Variants in SOX5 observed in about 807,000 individuals in gnomAD.
SOX5 encodes the protein transcription factor SOX-5.
In SOX5, 9 loss-of-function variants were observed where a neutral mutation model predicts 92.0. The observed-to-expected ratio is 0.10, with a 90% CI of 0.06 to 0.17. SOX5 has a LOEUF of 0.17. SOX5 is among the 10% of genes least tolerant of loss of function. The pLI is 1.00. For missense variants in SOX5, 642 were observed against 944.5 expected, an observed-to-expected ratio of 0.68 and a Z score of 4.20; for synonymous variants, 344 against 336.3, an observed-to-expected ratio of 1.02 and a Z score of -0.25.
chr12:24,405,776 G>A (rs1962797364), intron 1 of SOX5, among the ~76,000 whole-genome samples: 1 of 152,098 alleles, frequency 6.6e-6, no homozygotes, highest in Non-Finnish European at 1.5e-5. Context: ...AAATGACCAG[G>A]TCAAAATGCA....
intron 4 of SOX5, among the ~76,000 whole-genome samples, chr12:24,048,143 ACAT>A (rs1459482556): frequency 1.3e-5 from 2 of 152,224 alleles, no homozygotes; most frequent in African/African-American, 4.8e-5. Flanking sequence ...GCTTTCTGAT[ACAT>A]CATCACATTC....
At chr12:24,103,146 G>C (rs1946282355) in intron 4 of SOX5, among the ~76,000 whole-genome samples, 2 of 152,144 alleles carry the variant, frequency 1.3e-5, no homozygotes, top group South Asian at 2.1e-4. Flanking sequence ...GCAAATTAAA[G>C]TATGCCTCTA....
intron 3 of SOX5, among the ~76,000 whole-genome samples, chr12:24,226,829 T>C (rs921369014): frequency 1.4e-5 from 2 of 147,922 alleles, no homozygotes; most frequent in African/African-American, 5.0e-5. Context: ...TTAGAACTTA[T>C]ATTAGGGGTT....
intron 4 of SOX5, among the ~76,000 whole-genome samples, chr12:24,183,076 C>T (rs1176144149): frequency 6.6e-6 from 1 of 152,164 alleles, no homozygotes; most frequent in Non-Finnish European, 1.5e-5. Context: ...TGCATCAAGT[C>T]ATGAGATTTC....
chr12:23,624,876 G>T (rs2077576805), intron 8 of SOX5, among the ~76,000 whole-genome samples: 1 of 152,158 alleles, frequency 6.6e-6, no homozygotes, highest in Admixed American at 6.5e-5. Context: ...CAACAACTTT[G>T]ACTTTTAATT....
chr12:23,878,560 TCTTTTA>T (rs1185418156), intron 2 of SOX5, among the ~76,000 whole-genome samples: 3 of 152,110 alleles, frequency 2.0e-5, no homozygotes, highest in African/African-American at 4.8e-5. Flanking sequence ...TTTTTACCTT[TCTTTTA>T]CTTTTAACAT....
chr12:23,836,770 T>C (rs1338633473), intron 3 of SOX5, among the ~76,000 whole-genome samples: 1 of 151,966 alleles, frequency 6.6e-6, no homozygotes, highest in Non-Finnish European at 1.5e-5. Context: ...CAACCTGCTG[T>C]TCATTTTAAT....
rs550482385 is a variant in SOX5, at chr12:23,816,068, A to G, written c.481+29915T>C. Among the ~76,000 whole-genome samples, 5 of 152,274 alleles carry G rather than the reference A, an allele frequency of 3.3e-5. No individual in the cohort carries two copies. The South Asian group carries it at 1.0e-3, about 32-fold the overall frequency. On this transcript the variant is annotated intron_variant, in intron 3 of 14. Coordinates refer to ENST00000451604, the MANE Select transcript of SOX5 (RefSeq NM_006940.6). Reference sequence around the variant, plus strand: ...ATTCTTGTTTTAATTTTTTTCAACAACTCATAAATGGAAGAACATTCTTAG... The same window carrying G: ...ATTCTTGTTTTAATTTTTTTCAACAGCTCATAAATGGAAGAACATTCTTAG...
chr12:23,534,362 C>T lies in SOX5; in HGVS notation c.2149G>A (p.Gly717Arg), dbSNP rs1321231210. The part of the protein sequence containing the change: ...PVIQSTYGVK[G>R]EEPHIKEEIQ... ...TCTTCTTTGATATGTGGCTCCTCTCCTTTCACACCGTAAGTGCTCTGGATA... is the reference window on the plus strand; with the variant it reads ...TCTTCTTTGATATGTGGCTCCTCTCTTTTCACACCGTAAGTGCTCTGGATA... The change falls in exon 15 of 15, where the codon GGA becomes AGA. Residue 717 changes from glycine (G) to arginine (R), a missense_variant. Physicochemically the swap from Gly to Arg is moderately radical, Grantham distance 125. Coordinates refer to ENST00000451604, the MANE Select transcript of SOX5 (RefSeq NM_006940.6). The T allele has an allele frequency of 3.7e-6, 6 of 1,614,040 alleles. No individual in the cohort carries two copies. In the African/African-American group the frequency reaches 5.3e-5, roughly 14 times the overall value.
intron 4 of SOX5, among the ~76,000 whole-genome samples, chr12:24,196,164 C>T (rs966058504): frequency 6.6e-6 from 1 of 152,214 alleles, no homozygotes; most frequent in East Asian, 1.9e-4. Context: ...GGATTATAGG[C>T]GTGAGCCACC....
At chr12:24,493,616 G>A (rs1026357989) in intron 1 of SOX5, among the ~76,000 whole-genome samples, 6 of 152,168 alleles carry the variant, frequency 3.9e-5, no homozygotes, top group African/African-American at 1.4e-4. Flanking sequence ...TGTAATCCTA[G>A]CACTTTGGGA....
chr12:24,398,732 A>G (rs910823095), intron 1 of SOX5, among the ~76,000 whole-genome samples: 2 of 152,212 alleles, frequency 1.3e-5, no homozygotes, highest in South Asian at 2.1e-4. Flanking sequence ...TTGACTATGC[A>G]TTGATAAACC....
At chr12:23,648,415 G>T (rs2081147226) in intron 7 of SOX5, among the ~76,000 whole-genome samples, 2 of 152,270 alleles carry the variant, frequency 1.3e-5, no homozygotes, top group Non-Finnish European at 2.9e-5. Flanking sequence ...TCTACAAATT[G>T]ATATGTTCAA....
At chr12:24,450,456 C>T (rs903370480) in intron 1 of SOX5, among the ~76,000 whole-genome samples, 10 of 150,628 alleles carry the variant, frequency 6.6e-5, no homozygotes, top group East Asian at 1.9e-4. Flanking sequence ...TCCATTACTT[C>T]GAGTGTGTAT....
At chr12:23,819,478 G>A (rs540149488) in intron 3 of SOX5, among the ~76,000 whole-genome samples, 27 of 152,238 alleles carry the variant, frequency 1.8e-4, no homozygotes, top group African/African-American at 6.5e-4. Context: ...TGCAGAATGT[G>A]CAGGTTTGTT....
rs1204549641 is a variant in SOX5 at position 24,142,875 on chromosome 12, G to A, written c.-2+70468C>T. 2.0e-5 allele frequency among the ~76,000 whole-genome samples: 3 copies of A among 150,732 alleles called. No homozygotes were observed. The Admixed American group carries it at 2.0e-4, about 10-fold the overall frequency. Reference sequence around the variant, plus strand: ...CTACTAGATAAGACAAACCTGCATAGAGAACTTGGGAGATGCGTAGAGGGC... The same window carrying A: ...CTACTAGATAAGACAAACCTGCATAAAGAACTTGGGAGATGCGTAGAGGGC... On this transcript the variant is annotated intron_variant, in intron 4 of 4. Transcript: ENST00000446891.
intron 4 of SOX5, among the ~76,000 whole-genome samples, chr12:23,748,084 C>T (rs972121816): frequency 1.3e-5 from 2 of 151,890 alleles, no homozygotes; most frequent in Non-Finnish European, 2.9e-5. Context: ...CTTTCTATCA[C>T]ATCACCCAAT....
At chr12:23,956,706 G>T (rs1421781037) in intron 4 of SOX5, among the ~76,000 whole-genome samples, 1 of 151,894 alleles carries the variant, frequency 6.6e-6, no homozygotes, top group Non-Finnish European at 1.5e-5. Context: ...AGGGGAGGGG[G>T]ACAGAGTCTC....
At chr12:24,505,262 T>G (rs1369124950) in intron 1 of SOX5, among the ~76,000 whole-genome samples, 2 of 152,182 alleles carry the variant, frequency 1.3e-5, no homozygotes, top group Non-Finnish European at 2.9e-5. Context: ...ACTGAAAGCT[T>G]ATAATGTGGA....
Sources: gnomAD v4.1 joint callset for allele counts (sites outside exome capture counted in the v4.1 genomes callset) on GRCh38, gnomAD v4.1.1 for gene constraint, MANE v1.5 for transcripts, NCBI Gene and HGNC (gene_info 2026-07-23, HGNC 2026-07-21) for gene names.